Variants in FHIT observed in about 807,000 individuals in gnomAD.
The protein encoded by FHIT is fragile histidine triad diadenosine triphosphatase, also known as bis(5'-adenosyl)-triphosphatase.
Under a neutral mutation model 17.9 loss-of-function variants are expected in FHIT, and 19 were observed. That is an observed-to-expected ratio of 1.06 (90% confidence interval 0.74 to 1.56). FHIT has a LOEUF of 1.56. Among genes scored for constraint, FHIT ranks in the 40% most tolerant of loss-of-function variants. The pLI, the probability that FHIT is intolerant of heterozygous loss-of-function variation, is 0.00. For missense variants in FHIT, 248 were observed against 189.2 expected (o/e 1.31, Z -1.82); for synonymous variants, 81 against 69.7 (o/e 1.16, Z -0.81).
chr3:60,534,281 A>T (rs1280725949), intron 5 of FHIT, among the ~76,000 whole-genome samples: 8 of 148,226 alleles, frequency 5.4e-5, no homozygotes, highest in Admixed American at 5.4e-4. Context: ...CAAAAAAAAA[A>T]AATTAGCCGG....
At chr3:60,248,519 C>G (rs1705521146) in intron 5 of FHIT, among the ~76,000 whole-genome samples, 1 of 152,044 alleles carries the variant, frequency 6.6e-6, no homozygotes, top group African/African-American at 2.4e-5. Context: ...GGACACAGCA[C>G]CATGGAAATG....
intron 4 of FHIT, among the ~76,000 whole-genome samples, chr3:60,737,910 T>C (rs187390956): frequency 6.6e-6 from 1 of 152,270 alleles, no homozygotes; most frequent in African/African-American, 2.4e-5. Flanking sequence ...GTCATGAGCA[T>C]TGAACTAATA....
chr3:60,153,511 T>C (rs184301337), intron 5 of FHIT, among the ~76,000 whole-genome samples: 2 of 152,262 alleles, frequency 1.3e-5, no homozygotes, highest in Admixed American at 6.5e-5. Flanking sequence ...TGAATATTGG[T>C]TTCTACAAAA....
At position 59,823,020 on chromosome 3, in the gene FHIT, C is replaced by T. The variant is rs549365061; in HGVS notation, c.349-70699G>A. On this transcript the variant is annotated intron_variant, in intron 8 of 9. Transcript: ENST00000492590. ...TCCAGTTTTATTCTCCTACGTGTGA[C>T]TTGCCAATTATCCCAGCACCATTTG... Among the ~76,000 whole-genome samples, 12 of 152,296 alleles carry T rather than the reference C, an allele frequency of 7.9e-5. No individual in the cohort carries two copies. In the South Asian group the frequency reaches 2.5e-3, roughly 32 times the overall value.
At chr3:60,175,145 G>A (rs1208953796) in intron 5 of FHIT, among the ~76,000 whole-genome samples, 5 of 151,986 alleles carry the variant, frequency 3.3e-5, no homozygotes, top group South Asian at 4.1e-4. Flanking sequence ...TGTTAATGCC[G>A]CATGTTAATA....
chr3:60,816,035 G>A (rs1443278718), intron 4 of FHIT, among the ~76,000 whole-genome samples: 7 of 151,542 alleles, frequency 4.6e-5, no homozygotes, highest in East Asian at 3.9e-4. Context: ...GATTTGGCTC[G>A]CAAGTTGAAC....
At chr3:59,940,392 T>A (rs1706455684) in intron 7 of FHIT, among the ~76,000 whole-genome samples, 1 of 152,172 alleles carries the variant, frequency 6.6e-6, no homozygotes, top group Non-Finnish European at 1.5e-5. Flanking sequence ...TAAAAATTAC[T>A]CTACTGAAGT....
intron 5 of FHIT, among the ~76,000 whole-genome samples, chr3:60,037,511 T>C (rs983228281): frequency 6.6e-6 from 1 of 150,962 alleles, no homozygotes; most frequent in South Asian, 2.1e-4. Context: ...GCCTCCTGAG[T>C]AGCTGGGACT....
intron 5 of FHIT, among the ~76,000 whole-genome samples, chr3:60,269,860 G>A (rs1006295746): frequency 1.3e-5 from 2 of 152,122 alleles, no homozygotes; most frequent in South Asian, 2.1e-4. Flanking sequence ...CTGCCATTTC[G>A]GTTCATAAAA....
At chr3:60,418,991 C>A (rs114491875) in intron 5 of FHIT, among the ~76,000 whole-genome samples, 1 of 152,096 alleles carries the variant, frequency 6.6e-6, no homozygotes, top group African/African-American at 2.4e-5. Context: ...TTTTTTAGCC[C>A]GAATGGGAAG....
chr3:60,909,957 T>C (rs563057553), intron 3 of FHIT, among the ~76,000 whole-genome samples: 29 of 152,194 alleles, frequency 1.9e-4, no homozygotes, highest in Non-Finnish European at 4.0e-4. Flanking sequence ...AGGTGTTTCA[T>C]ATACCTAATT....
intron 3 of FHIT, among the ~76,000 whole-genome samples, chr3:60,944,570 T>C (rs1248006703): frequency 6.6e-6 from 1 of 152,260 alleles, no homozygotes; most frequent in Non-Finnish European, 1.5e-5. Context: ...ATTTAATTAA[T>C]GGAGACTTTG....
chr3:60,825,337 G>A (rs902726511), intron 3 of FHIT, among the ~76,000 whole-genome samples: 2 of 152,132 alleles, frequency 1.3e-5, no homozygotes, highest in Non-Finnish European at 2.9e-5. Context: ...ATGATTAAAG[G>A]ACATATGGCT....
At chr3:60,362,174 T>C (rs1389527699) in intron 5 of FHIT, among the ~76,000 whole-genome samples, 2 of 152,220 alleles carry the variant, frequency 1.3e-5, no homozygotes, top group Non-Finnish European at 2.9e-5. Context: ...CAAATTAACA[T>C]ATCATCTCAC....
At chr3:61,060,972 T>G (rs2034407667) in intron 2 of FHIT, among the ~76,000 whole-genome samples, 1 of 152,184 alleles carries the variant, frequency 6.6e-6, no homozygotes, top group Admixed American at 6.5e-5. Flanking sequence ...ACTGATTCAT[T>G]TATAGTAGCT....
At chr3:61,195,516 G>GAACAGA (rs1319440153) in intron 2 of FHIT, among the ~76,000 whole-genome samples, 1 of 152,092 alleles carries the variant, frequency 6.6e-6, no homozygotes, top group African/African-American at 2.4e-5. Context: ...ATAGGATATG[G>GAACAGA]AACAGAAGTT....
rs539474623 is a variant in FHIT, at chr3:60,201,108, T to G, written c.104-186956A>C. On this transcript the variant is annotated intron_variant, in intron 5 of 9. Transcript: ENST00000492590. ...TTAAAGAGACCATAATATCTAAGTT[T>G]TGGTCTTTACTGCTCCCTCTAGCCT... is the stretch of plus-strand genomic sequence containing the variant. 1.4e-3 allele frequency among the ~76,000 whole-genome samples: 210 copies of G among 152,200 alleles called. 1 individual carries two copies. Among genetic ancestry groups the G allele is most frequent in the Middle Eastern group, 6.8e-3 (2 of 294 alleles).
At chr3:59,987,239 A>T (rs570499740) in intron 7 of FHIT, among the ~76,000 whole-genome samples, 1 of 150,674 alleles carries the variant, frequency 6.6e-6, no homozygotes. Flanking sequence ...CTTTTCCTGA[A>T]ACTCTGTAAA....
At position 60,861,003 on chromosome 3, in the gene FHIT, A is replaced by G. The variant is rs559030392; in HGVS notation, c.-110-38992T>C. Among the ~76,000 whole-genome samples, 113 of 88,066 alleles carry G rather than the reference A, an allele frequency of 1.3e-3. 9 individuals are homozygous for G. The highest frequency in any genetic ancestry group is 9.4e-3 in the East Asian group (36 of 3,822). The allele number at this position is 88,066 out of a possible 152,430, so 57.8% of individuals were successfully genotyped here. A position where few individuals can be genotyped will look rare whatever the true frequency, so the allele number is the denominator to read the frequency against. On this transcript the variant is annotated intron_variant, in intron 3 of 9. Transcript: ENST00000492590. ...ATGATACATATATACGTATATATCC[A>G]TATATATGATACATATATACGTATA...
Sources: gnomAD v4.1 joint callset for allele counts (sites outside exome capture counted in the v4.1 genomes callset) on GRCh38, gnomAD v4.1.1 for gene constraint, MANE v1.5 for transcripts, NCBI Gene and HGNC (gene_info 2026-07-23, HGNC 2026-07-21) for gene names.